The following SPIDR variants were observed in gnomAD, a reference collection of about 807,000 sequenced individuals.
SPIDR encodes the protein DNA repair-scaffolding protein.
SPIDR carries 93 observed loss-of-function variants against 104.6 expected under a neutral mutation model. That is an observed-to-expected ratio of 0.89 (90% CI 0.75 to 1.06). The LOEUF (loss-of-function observed/expected upper bound fraction) is 1.06. Among genes scored for constraint, SPIDR ranks in the 50% least tolerant of loss-of-function variants. The pLI, the probability that SPIDR is intolerant of heterozygous loss-of-function variation, is 0.00. For missense variants in SPIDR, 1,154 were observed against 1,111.2 expected (o/e 1.04, Z -0.55); for synonymous variants, 431 against 416.9 (o/e 1.03, Z -0.41).
rs532449478 is a variant in SPIDR at position 47,411,820 on chromosome 8, T to A, written c.877+3859T>A. Among the ~76,000 whole-genome samples, 99 of 152,322 alleles carry A rather than the reference T, an allele frequency of 6.5e-4. 1 individual carries two copies. Among genetic ancestry groups the A allele is most frequent in the Non-Finnish European group, 1.2e-3 (83 of 68,030 alleles). Reference sequence around the variant, plus strand: ...ATTTAAGTCTTTAATTCATCTTGAATTAATTTTTGTATAAGGTGTAAGGAA... The same window carrying A: ...ATTTAAGTCTTTAATTCATCTTGAAATAATTTTTGTATAAGGTGTAAGGAA... On this transcript the variant is annotated intron_variant, in intron 7 of 19. Transcript: ENST00000297423.
intron 5 of SPIDR, among the ~76,000 whole-genome samples, chr8:47,392,245 A>G (rs1230049100): frequency 6.6e-6 from 1 of 152,178 alleles, no homozygotes; most frequent in African/African-American, 2.4e-5. Context: ...TCCCTAAGGT[A>G]GCCCACTAGT....
chr8:47,727,801 A>T (rs2154493598), intron 17 of SPIDR, among the ~76,000 whole-genome samples: 1 of 152,288 alleles, frequency 6.6e-6, no homozygotes, highest in South Asian at 2.1e-4. Context: ...AGAAAGGGAC[A>T]GGCTCATTAC....
intron 3 of SPIDR, among the ~76,000 whole-genome samples, chr8:47,289,715 C>G (rs2039551455): frequency 6.6e-6 from 1 of 152,164 alleles, no homozygotes; most frequent in South Asian, 2.1e-4. Flanking sequence ...TTCTTAAAGA[C>G]TAAACATGCA....
rs1341956185 is a variant in SPIDR at position 47,588,026 on chromosome 8, C to CATATAAATATATAT, written c.1098-7780_1098-7779insAATATATATATATA. On this transcript the variant is annotated intron_variant, in intron 8 of 19. Coordinates refer to ENST00000297423, the MANE Select transcript of SPIDR (RefSeq NM_001080394.4). ...CTTTCCTTGCAACTTTTAAAATTAGCATATATATATATATATATATATATA... is the reference window on the plus strand; with the variant it reads ...CTTTCCTTGCAACTTTTAAAATTAGCATATAAATATATATATATATATATATATATATATATATA... Among the ~76,000 whole-genome samples the CATATAAATATATAT allele has an allele frequency of 5.1e-4, 12 of 23,430 alleles. 5 individuals are homozygous for CATATAAATATATAT. The highest frequency in any genetic ancestry group is 1.9e-3 in the Non-Finnish European group (12 of 6,374). 15.4% of individuals were successfully genotyped at this position (23,430 alleles called of 152,430 possible).
chr8:47,438,155 G>A (rs2068712701), intron 7 of SPIDR, among the ~76,000 whole-genome samples: 1 of 152,208 alleles, frequency 6.6e-6, no homozygotes, highest in Non-Finnish European at 1.5e-5. Flanking sequence ...GCAGAACCAA[G>A]AGCCTGTGCT....
intron 16 of SPIDR, among the ~76,000 whole-genome samples, chr8:47,718,235 C>T (rs1563651906): frequency 6.6e-6 from 1 of 152,242 alleles, no homozygotes; most frequent in Non-Finnish European, 1.5e-5. Context: ...ATATCAGTCA[C>T]ATACGGAGAT....
At position 47,735,322 on chromosome 8, in the gene SPIDR, A is replaced by T. The variant is rs373911688; in HGVS notation, c.2620A>T (p.Ser874Cys). ...ATCACTGCAGAGCTACGAAGTGAAG[A>T]GTGTCCTCGGAAAGGAAGTGGGGTT... The part of the protein sequence containing the change: ...AGEDGSYEVK[S>C]VLGKEVGLLN... Residue 874 changes from serine (S) to cysteine (C), a missense_variant, in exon 20 of 20, where the codon AGT becomes TGT. Ser to Cys is a moderately radical substitution (Grantham distance 112, BLOSUM62 -1). Coordinates refer to ENST00000297423, the MANE Select transcript of SPIDR (RefSeq NM_001080394.4). 1 of 1,613,756 alleles carries T rather than the reference A, an allele frequency of 6.2e-7. No homozygotes were observed. The highest frequency in any genetic ancestry group is 1.3e-5 in the African/African-American group (1 of 74,874).
intron 10 of SPIDR, among the ~76,000 whole-genome samples, chr8:47,624,045 C>T (rs1429468888): frequency 4.6e-5 from 7 of 152,164 alleles, no homozygotes; most frequent in Non-Finnish European, 7.3e-5. Context: ...TCTCTCAGAC[C>T]ACAGTGCAAT....
intron 8 of SPIDR, among the ~76,000 whole-genome samples, chr8:47,504,980 C>T (rs1205670948): frequency 6.6e-6 from 1 of 152,168 alleles, no homozygotes; most frequent in Non-Finnish European, 1.5e-5. Flanking sequence ...GCTGCCTGAT[C>T]GTTTCTCTGG....
In SPIDR at chr8:47,700,408, C is replaced by T. The variant is rs766728191; in HGVS notation, c.1691C>T (p.Ala564Val). 9.9e-6 allele frequency: 16 copies of T among 1,614,034 alleles called. No individual in the cohort carries two copies. The highest frequency in any genetic ancestry group is 6.7e-5 in the East Asian group (3 of 44,902). Residue 564 changes from alanine to valine, a missense_variant, in exon 12 of 20, where the codon GCG becomes GTG. Ala to Val is a moderately conservative substitution (Grantham distance 64). Coordinates refer to ENST00000297423, the MANE Select transcript of SPIDR (RefSeq NM_001080394.4). ...TTTGACTTTTCTTGTTCCAGGACAG[C>T]GGGGATTTTCAGTTTGATTGACACC... ...VLQKVTRGRT[A>V]GIFSLIDTLW...
chr8:47,383,571 C>G (rs540904869), intron 5 of SPIDR, among the ~76,000 whole-genome samples: 1 of 152,278 alleles, frequency 6.6e-6, no homozygotes, highest in South Asian at 2.1e-4. Context: ...CCCCCAGACT[C>G]CAGTGTCTCA....
At chr8:47,582,827 T>TACACACACACACACACAC (rs72295566) in intron 8 of SPIDR, among the ~76,000 whole-genome samples, 7 of 130,186 alleles carry the variant, frequency 5.4e-5, no homozygotes, top group Admixed American at 4.8e-4. Flanking sequence ...AACAACAAAT[T>TACACACACACACACACAC]ACACACACAC....
intron 11 of SPIDR, among the ~76,000 whole-genome samples, chr8:47,684,207 GCTATAAAA>G (rs927154369): frequency 4.0e-5 from 6 of 150,572 alleles, no homozygotes; most frequent in Admixed American, 6.6e-5. Flanking sequence ...TTTTTTCTTG[GCTATAAAA>G]ACAAATTTTT....
rs528054914 is a variant in SPIDR at position 47,662,049 on chromosome 8, G to A, written c.1545-11752G>A. ...TGAGGCCCATCCTATGCCTGATGCC[G>A]AGGCTGCTCTTCACTCTCCACACCT... On this transcript the variant is annotated intron_variant, in intron 10 of 19. Transcript: ENST00000297423. Among the ~76,000 whole-genome samples the A allele has an allele frequency of 2.2e-4, 34 of 152,274 alleles. No individual in the cohort carries two copies. In the South Asian group the frequency reaches 5.2e-3, roughly 23 times the overall value.
At chr8:47,418,235 T>C (rs571467188) in intron 7 of SPIDR, among the ~76,000 whole-genome samples, 2 of 152,340 alleles carry the variant, frequency 1.3e-5, no homozygotes, top group East Asian at 3.9e-4. Context: ...TTTCCCAATA[T>C]TGATTCTTCC....
At chr8:47,400,506 G>T (rs2061733223) in intron 6 of SPIDR, among the ~76,000 whole-genome samples, 1 of 152,080 alleles carries the variant, frequency 6.6e-6, no homozygotes, top group Non-Finnish European at 1.5e-5. Flanking sequence ...TTTGATGAAG[G>T]GATGGTGGTT....
intron 4 of SPIDR, among the ~76,000 whole-genome samples, chr8:47,293,326 A>G (rs1408922911): frequency 6.6e-6 from 1 of 152,258 alleles, no homozygotes; most frequent in Non-Finnish European, 1.5e-5. Context: ...TTGCTTAAAC[A>G]TGCTGGAGAA....
intron 8 of SPIDR, among the ~76,000 whole-genome samples, chr8:47,571,078 G>A (rs556739569): frequency 2.0e-5 from 3 of 151,862 alleles, no homozygotes; most frequent in South Asian, 2.1e-4. Context: ...GCTACGGAGC[G>A]AGACTCTGTC....
At chr8:47,421,060 A>C (rs1322505480) in intron 7 of SPIDR, among the ~76,000 whole-genome samples, 2 of 151,944 alleles carry the variant, frequency 1.3e-5, no homozygotes, top group Admixed American at 1.3e-4. Flanking sequence ...CTCCATTTCA[A>C]CTTTGGTGAA....
Sources: gnomAD v4.1 joint callset for allele counts (sites outside exome capture counted in the v4.1 genomes callset) on GRCh38, gnomAD v4.1.1 for gene constraint, MANE v1.5 for transcripts, NCBI Gene and HGNC (gene_info 2026-07-23, HGNC 2026-07-21) for gene names.